Variants in TM2D2 observed in about 807,000 individuals in gnomAD.
TM2D2 encodes TM2 domain-containing protein 2.
A neutral mutation model predicts 23.0 loss-of-function variants in TM2D2; 19 were observed. The ratio of observed to expected loss-of-function variants is 0.82; its 90% CI spans 0.58 to 1.21. TM2D2 has a LOEUF of 1.21. Ranked by LOEUF, TM2D2 falls within the 50% of genes most tolerant of loss-of-function variation. The probability of loss-of-function intolerance (pLI) is 0.00; values close to 1 mark genes in which losing one functional copy is unlikely to be tolerated. For synonymous variants in TM2D2, 120 were observed against 108.8 expected (o/e 1.10, Z -0.64); for missense variants, 246 against 265.4 (o/e 0.93, Z 0.51).
chr8:38,993,584 C>T lies in TM2D2; in HGVS notation c.392G>A (p.Ser131Asn). The part of the protein sequence containing the change: ...CHALDGIECA[S>N]PRTFLRENKP... Reference sequence around the variant, plus strand: ...ATTTTCTCGTAGAAAGGTCCTAGGACTGGCACACTCAATTCCATCTAAGGC... The same window carrying T: ...ATTTTCTCGTAGAAAGGTCCTAGGATTGGCACACTCAATTCCATCTAAGGC... The change falls in exon 3 of 4, where the codon AGT (serine) becomes AAT (asparagine). Residue 131 changes from serine to asparagine, a missense_variant. By Grantham distance (46) the Ser-to-Asn change is conservative (BLOSUM62 1). Transcript: ENST00000456397. 1 of 1,613,954 alleles carries T rather than the reference C, an allele frequency of 6.2e-7. No individual in the cohort carries two copies. Among genetic ancestry groups the T allele is most frequent in the Non-Finnish European group, 8.5e-7 (1 of 1,179,842 alleles).
chr8:38,993,618 G>T lies in TM2D2; in HGVS notation c.358C>A (p.Gln120Lys). The change falls in exon 3 of 4, where the codon CAG becomes AAG. Residue 120 changes from glutamine to lysine, a missense_variant. Transcript: ENST00000456397. The stretch of plus-strand genomic sequence containing the variant: ...TCAATTCCATCTAAGGCATGGCACT[G>T]GACTGAAGTGTGTTCCACGTCGCTG... Reference protein sequence around the residue: ...AYSDVEHTSVQCHALDGIECA... With the variant: ...AYSDVEHTSVKCHALDGIECA... 6.2e-7 allele frequency: 1 copy of T among 1,613,944 alleles called. No homozygotes were observed. Among genetic ancestry groups the T allele is most frequent in the South Asian group, 1.1e-5 (1 of 91,068 alleles).
rs1281187646 is a variant in TM2D2 at position 38,989,294 on chromosome 8, G to A, written c.*2038C>T. The A allele has an allele frequency of 6.6e-6, 1 of 152,152 alleles. No individual in the cohort carries two copies. The highest frequency in any genetic ancestry group is 2.4e-5 in the African/African-American group (1 of 41,424). 9.4% of individuals were successfully genotyped at this position (152,152 alleles called of 1,614,324 possible). A position where few individuals can be genotyped will look rare whatever the true frequency, so the allele number is the denominator to read the frequency against. ...CCCCTGGCAACATAAATGACTTCAA[G>A]CCTTGGAGCTGCAAAATTTCTTTTT... is the stretch of plus-strand genomic sequence containing the variant. On this transcript the variant is annotated 3_prime_UTR_variant, in exon 4 of 4. Coordinates refer to ENST00000456397, the MANE Select transcript of TM2D2 (RefSeq NM_078473.3).
Position 38,995,367 on chromosome 8 carries a change from T to C in TM2D2, c.266A>G (p.His89Arg), listed in dbSNP as rs1174086318. Residue 89 changes from histidine (H) to arginine (R), a missense_variant, in exon 2 of 4, where the codon CAT becomes CGT. Physicochemically the swap from His to Arg is conservative, Grantham distance 29 (BLOSUM62 0). Coordinates refer to ENST00000456397, the MANE Select transcript of TM2D2 (RefSeq NM_078473.3). The part of the protein sequence containing the change: ...EFIECEDPVD[H>R]VGNATASQEL... ...CTGGGATGCAGTTGCATTTCCAACATGATCCACTGGGTCTTCACATTCTAT... is the reference window on the plus strand; with the variant it reads ...CTGGGATGCAGTTGCATTTCCAACACGATCCACTGGGTCTTCACATTCTAT... 1.2e-6 allele frequency: 2 copies of C among 1,608,616 alleles called. No individual in the cohort carries two copies. The highest frequency in any genetic ancestry group is 1.7e-6 in the Non-Finnish European group (2 of 1,178,474).
In TM2D2 at chr8:38,991,071, G is replaced by A. The variant is rs1212066885; in HGVS notation, c.*261C>T. 7 of 507,120 alleles carry A rather than the reference G, an allele frequency of 1.4e-5. No individual in the cohort carries two copies. The highest frequency in any genetic ancestry group is 6.7e-5 in the Admixed American group (2 of 29,702). The allele number at this position is 507,120 out of a possible 1,614,324, so 31.4% of individuals were successfully genotyped here. ...AAACCCATCCACAGCTTGTAAACTCGCCACTATCCTTTATGTTTTGTGCAT... is the reference window on the plus strand; with the variant it reads ...AAACCCATCCACAGCTTGTAAACTCACCACTATCCTTTATGTTTTGTGCAT... On this transcript the variant is annotated 3_prime_UTR_variant, in exon 4 of 4. Transcript: ENST00000456397.
In TM2D2 at chr8:38,989,099, C is replaced by T. The variant is rs1047884281; in HGVS notation, c.*2233G>A. Reference sequence around the variant, plus strand: ...GCAGATGGATGATGGGTGTCATTTACAAGTCAAATGAAAACCAGTAATTTT... The same window carrying T: ...GCAGATGGATGATGGGTGTCATTTATAAGTCAAATGAAAACCAGTAATTTT... On this transcript the variant is annotated 3_prime_UTR_variant, in exon 4 of 4. Transcript: ENST00000456397. 1 of 152,204 alleles carries T rather than the reference C, an allele frequency of 6.6e-6. No homozygotes were observed. The highest frequency in any genetic ancestry group is 1.5e-5 in the Non-Finnish European group (1 of 68,034). 9.4% of individuals were successfully genotyped at this position (152,204 alleles called of 1,614,324 possible).
chr8:38,992,032 T>C (rs1262419820), intron 3 of TM2D2, among the ~76,000 whole-genome samples: 2 of 152,080 alleles, frequency 1.3e-5, no homozygotes, highest in Admixed American at 6.5e-5. Flanking sequence ...AAGATATGTC[T>C]CTAGACTAGT....
intron 1 of TM2D2, chr8:38,995,614 G>C: frequency 6.8e-7 from 1 of 1,459,966 alleles, no homozygotes; most frequent in Non-Finnish European, 9.0e-7. Flanking sequence ...GTTGGAGAAG[G>C]GAGGTGTTTC....
At chr8:38,992,556 C>G (rs780657911) in intron 3 of TM2D2, among the ~76,000 whole-genome samples, 71 of 151,908 alleles carry the variant, frequency 4.7e-4, no homozygotes, top group Non-Finnish European at 6.9e-4. Flanking sequence ...CTCTAAGAAT[C>G]TCTAGTTGGT....
chr8:38,995,171 C>T (rs1835720469), intron 2 of TM2D2, 147 bp downstream of exon 2: 2 of 622,330 alleles, frequency 3.2e-6, no homozygotes, highest in Non-Finnish European at 2.7e-6. Context: ...AGTCACTGAC[C>T]CTGGCCATAC....
rs1173736979 is a variant in TM2D2 at position 38,991,304 on chromosome 8, C to T, written c.*28G>A. On this transcript the variant is annotated 3_prime_UTR_variant, in exon 4 of 4. Coordinates refer to ENST00000456397, the MANE Select transcript of TM2D2 (RefSeq NM_078473.3). ...ATTCAGAAGACGGAGCTTTCACCCGCCTCCCTGGGCCATGATGGCAGCTCT... is the reference window on the plus strand; with the variant it reads ...ATTCAGAAGACGGAGCTTTCACCCGTCTCCCTGGGCCATGATGGCAGCTCT... 4 of 1,594,210 alleles carry T rather than the reference C, an allele frequency of 2.5e-6. No homozygotes were observed. The Admixed American group carries it at 6.8e-5, about 27-fold the overall frequency.
In TM2D2 at chr8:38,989,834, A is replaced by C. The variant is rs1023742416; in HGVS notation, c.*1498T>G. ...CTCCCTTAAACTCTTTTATTTGTAT[A>C]AATTTATAGGGTACCAGTACAATTT... is the stretch of plus-strand genomic sequence containing the variant. On this transcript the variant is annotated 3_prime_UTR_variant, in exon 4 of 4. Transcript: ENST00000456397. The C allele has an allele frequency of 3.3e-5, 5 of 152,158 alleles. No homozygotes were observed. Among genetic ancestry groups the C allele is most frequent in the Admixed American group, 6.5e-5 (1 of 15,274 alleles). The allele number at this position is 152,158 out of a possible 1,614,324, so 9.4% of individuals were successfully genotyped here. A position where few individuals can be genotyped will look rare whatever the true frequency, so the allele number is the denominator to read the frequency against.
intron 2 of TM2D2, 110 bp downstream of exon 2, chr8:38,995,208 G>A: frequency 2.6e-6 from 2 of 782,186 alleles, no homozygotes; most frequent in Non-Finnish European, 4.0e-6. Flanking sequence ...CGGTCTTTCT[G>A]AGGAAATTCT....
Position 38,990,495 on chromosome 8 carries a change from G to GA in TM2D2, c.*836dup, listed in dbSNP as rs1179529150. On this transcript the variant is annotated 3_prime_UTR_variant, in exon 4 of 4. Coordinates refer to ENST00000456397, the MANE Select transcript of TM2D2 (RefSeq NM_078473.3). ...TTCTGACTGCTGCAGCCCACAGGGA[G>GA]AGCTAATCATGAAGAATAGTTTTAC... 7 of 152,226 alleles carry GA rather than the reference G, an allele frequency of 4.6e-5. No individual in the cohort carries two copies. Among genetic ancestry groups the GA allele is most frequent in the Admixed American group, 2.6e-4 (4 of 15,282 alleles). The allele number at this position is 152,226 out of a possible 1,614,324, so 9.4% of individuals were successfully genotyped here. A position where few individuals can be genotyped will look rare whatever the true frequency, so the allele number is the denominator to read the frequency against.
chr8:38,996,403 GAAGT>G lies in TM2D2; in HGVS notation c.33_36del (p.Leu11PhefsTer70), dbSNP rs746392676. ...AGCAGCAAAGCCGCCTGGCCGCACA[GAAGT>G]AAGTAACTAACCGGGCAACCACCTA... is the stretch of plus-strand genomic sequence containing the variant. On this transcript the variant is annotated frameshift_variant, in exon 1 of 4. Coordinates refer to ENST00000456397, the MANE Select transcript of TM2D2 (RefSeq NM_078473.3). LOFTEE classifies it high-confidence loss of function. 1.9e-5 allele frequency: 31 copies of G among 1,614,230 alleles called. No individual in the cohort carries two copies. The highest frequency in any genetic ancestry group is 1.6e-4 in the Middle Eastern group (1 of 6,062).
At chr8:38,996,092 A>G in intron 1 of TM2D2, 121 bp downstream of exon 1, 1 of 1,194,484 alleles carries the variant, frequency 8.4e-7, no homozygotes, top group Non-Finnish European at 1.2e-6. Flanking sequence ...TGCCTCCGGA[A>G]CGACCTCAGA....
Position 38,996,261 on chromosome 8 carries a change from C to T in TM2D2, c.179G>A (p.Ser60Asn), listed in dbSNP as rs1225636629. 1.9e-6 allele frequency: 3 copies of T among 1,613,834 alleles called. No individual in the cohort carries two copies. In the African/African-American group the frequency reaches 4.0e-5, roughly 22 times the overall value. ...AGAGTGGGGGTCGCCATATTCCCAG[C>T]TCGCAGCACCCCCGGGGCCCTCCGG... is the stretch of plus-strand genomic sequence containing the variant. ...AQPEGPGGAA[S>N]WEYGDPHSPV... Residue 60 changes from serine to asparagine, a missense_variant, in exon 1 of 4, where the codon AGC becomes AAC. By Grantham distance (46) the Ser-to-Asn change is conservative (BLOSUM62 1). Around this residue, in one of 2 missense-constraint regions of TM2D2, gnomAD observed 212 missense variants for 202.2 expected, o/e 1.05. Coordinates refer to ENST00000456397, the MANE Select transcript of TM2D2 (RefSeq NM_078473.3).
chr8:38,995,625 T>C (rs1835747518), intron 1 of TM2D2: 1 of 1,436,620 alleles, frequency 7.0e-7, no homozygotes, highest in East Asian at 2.7e-5. Context: ...GAGGTGTTTC[T>C]GGTCCTGTTT....
rs749965472 is a variant in TM2D2 at position 38,995,344 on chromosome 8, G to A, written c.289C>T (p.Gln97Ter). The A allele has an allele frequency of 6.2e-7, 1 of 1,602,794 alleles. No homozygotes were observed. Among genetic ancestry groups the A allele is most frequent in the Non-Finnish European group, 8.5e-7 (1 of 1,176,336 alleles). Residue 97 changes from glutamine (Q) to a stop codon, truncating the protein, a stop_gained, in exon 2 of 4, where the codon CAG becomes TAG. Coordinates refer to ENST00000456397, the MANE Select transcript of TM2D2 (RefSeq NM_078473.3). LOFTEE classifies it high-confidence loss of function. ...VDHVGNATASQELGYGCLKFG... is the reference protein window; with the variant it reads ...VDHVGNATAS The stretch of plus-strand genomic sequence containing the variant: ...TTGAGACAACCATAACCAAGTTCCT[G>A]GGATGCAGTTGCATTTCCAACATGA...
At chr8:38,996,628 G>C (rs1588309564), upstream of TM2D2, 1 of 1,437,666 alleles carries the variant, frequency 7.0e-7, no homozygotes, top group Non-Finnish European at 9.1e-7. Context: ...GAGCAGACGG[G>C]CGGGGCTACT....
Sources: gnomAD v4.1 joint callset for allele counts (sites outside exome capture counted in the v4.1 genomes callset) on GRCh38, gnomAD v4.1.1 for gene constraint, gnomAD v4.1.1 regional missense constraint, MANE v1.5 for transcripts, NCBI Gene and HGNC (gene_info 2026-07-23, HGNC 2026-07-21) for gene names.